The following THSD4 variants were observed in gnomAD, a reference collection of about 807,000 sequenced individuals.
THSD4 encodes the protein thrombospondin type-1 domain-containing protein 4.
A neutral mutation model predicts 119.0 loss-of-function variants in THSD4; 69 were observed. The observed-to-expected ratio is 0.58, with a 90% CI of 0.48 to 0.71. The LOEUF (loss-of-function observed/expected upper bound fraction) is 0.71. Ranked by LOEUF, THSD4 falls within the 30% of genes least tolerant of loss-of-function variation. THSD4 has a pLI of 0.00. For missense variants in THSD4, 1,393 were observed against 1,391.1 expected, an observed-to-expected ratio of 1.00 and a Z score of -0.02; for synonymous variants, 524 against 540.4, an observed-to-expected ratio of 0.97 and a Z score of 0.42.
intron 3 of THSD4, among the ~76,000 whole-genome samples, chr15:71,170,765 T>C (rs1434294310): frequency 6.6e-6 from 1 of 152,154 alleles, no homozygotes; most frequent in East Asian, 1.9e-4. Flanking sequence ...TATTTTAGAA[T>C]ATGAAAACAA....
chr15:71,571,902 G>A (rs2049366149), intron 7 of THSD4, among the ~76,000 whole-genome samples: 1 of 152,206 alleles, frequency 6.6e-6, no homozygotes, highest in Non-Finnish European at 1.5e-5. Context: ...TGTATGAGCT[G>A]CCTTGGCAAT....
intron 7 of THSD4, among the ~76,000 whole-genome samples, chr15:71,461,560 A>G (rs1595790511): frequency 6.6e-6 from 1 of 152,322 alleles, no homozygotes; most frequent in East Asian, 1.9e-4. Context: ...TAAAGAAGCA[A>G]ATAGATCCTG....
At chr15:71,647,759 G>A (rs913542379) in intron 7 of THSD4, among the ~76,000 whole-genome samples, 1 of 152,218 alleles carries the variant, frequency 6.6e-6, no homozygotes, top group Non-Finnish European at 1.5e-5. Flanking sequence ...GAGAGGAAGG[G>A]TGGTGTTATA....
chr15:71,269,232 A>T (rs2044500986), intron 6 of THSD4, among the ~76,000 whole-genome samples: 1 of 152,220 alleles, frequency 6.6e-6, no homozygotes, highest in Non-Finnish European at 1.5e-5. Flanking sequence ...TCAGCAGCAC[A>T]TCAAAAAGCT....
intron 8 of THSD4, among the ~76,000 whole-genome samples, chr15:71,690,616 C>T (rs998761231): frequency 3.3e-5 from 5 of 152,146 alleles, no homozygotes; most frequent in Admixed American, 6.5e-5. Flanking sequence ...AAAGACATCT[C>T]CTAGACTGGG....
rs139973756 is a variant in THSD4 at position 71,335,446 on chromosome 15, C to T, written c.1016-76241C>T. Among the ~76,000 whole-genome samples the T allele has an allele frequency of 3.4e-3, 520 of 152,174 alleles. 4 individuals carry two copies. Among genetic ancestry groups the T allele is most frequent in the Middle Eastern group, 0.014 (4 of 294 alleles). ...TTTTCAGAATCTTTATCCCTTAGAA[C>T]CTAGACTTCTAGAATGACAAATATA... is the stretch of plus-strand genomic sequence containing the variant. On this transcript the variant is annotated intron_variant, in intron 6 of 17. Transcript: ENST00000261862.
At chr15:71,253,187 T>G (rs2044278451) in intron 5 of THSD4, among the ~76,000 whole-genome samples, 1 of 152,210 alleles carries the variant, frequency 6.6e-6, no homozygotes, top group Non-Finnish European at 1.5e-5. Context: ...TTTTCTGCCT[T>G]AGATGGGAAC....
At chr15:71,386,944 C>T (rs2046300729) in intron 6 of THSD4, among the ~76,000 whole-genome samples, 2 of 152,154 alleles carry the variant, frequency 1.3e-5, no homozygotes, top group African/African-American at 2.4e-5. Context: ...CTGTTCGCCT[C>T]GTAATCAACA....
chr15:71,367,078 G>C (rs1334290267), intron 6 of THSD4, among the ~76,000 whole-genome samples: 2 of 152,168 alleles, frequency 1.3e-5, no homozygotes, highest in Admixed American at 6.5e-5. Flanking sequence ...TGAAATGTTT[G>C]TATAGCGGTC....
intron 8 of THSD4, among the ~76,000 whole-genome samples, chr15:71,692,804 A>G (rs1272550853): frequency 1.3e-5 from 2 of 152,204 alleles, no homozygotes; most frequent in Non-Finnish European, 2.9e-5. Context: ...GAAGGGACTC[A>G]TGTTCCAGGG....
intron 6 of THSD4, among the ~76,000 whole-genome samples, chr15:71,347,505 A>G (rs2045681570): frequency 6.6e-6 from 1 of 152,138 alleles, no homozygotes. Flanking sequence ...ATCTATATAC[A>G]TTTATTCATT....
Position 71,653,586 on chromosome 15 carries a change from CAT to C in THSD4, c.1153-6943_1153-6942del, listed in dbSNP as rs150533197. On this transcript the variant is annotated intron_variant, in intron 7 of 17. Coordinates refer to ENST00000261862, the MANE Select transcript of THSD4 (RefSeq NM_024817.3). ...TAAGAAAGACCTTTCAGGACCAAAA[CAT>C]CAGTAGAGCTGGAGTTGAGAAGCCC... 2.5e-3 allele frequency among the ~76,000 whole-genome samples: 380 copies of C among 152,290 alleles called. 2 individuals are homozygous for C. Among genetic ancestry groups the C allele is most frequent in the African/African-American group, 8.6e-3 (358 of 41,558 alleles).
intron 6 of THSD4, among the ~76,000 whole-genome samples, chr15:71,377,083 G>A (rs78507969): frequency 0.037 from 5,632 of 152,298 alleles, 227 homozygotes; most frequent in African/African-American, 0.097. Context: ...AAATGGACGT[G>A]AGAAAGGAAT....
chr15:71,196,043 G>A (rs1292519452), intron 3 of THSD4, among the ~76,000 whole-genome samples: 2 of 152,144 alleles, frequency 1.3e-5, no homozygotes, highest in Non-Finnish European at 2.9e-5. Flanking sequence ...CAAGTTCCAG[G>A]TGCTAGCATC....
At chr15:71,581,856 G>T (rs549486680) in intron 7 of THSD4, among the ~76,000 whole-genome samples, 1 of 152,058 alleles carries the variant, frequency 6.6e-6, no homozygotes, top group African/African-American at 2.4e-5. Flanking sequence ...GGGCTATTCC[G>T]TTCCATTGGT....
intron 3 of THSD4, among the ~76,000 whole-genome samples, chr15:71,199,487 GGGTGTGTGT>G (rs2043751119): frequency 6.3e-5 from 8 of 127,018 alleles, no homozygotes; most frequent in Non-Finnish European, 6.9e-5. Context: ...TGTGTGTGTG[GGGTGTGTGT>G]GGTGTGTGTG....
chr15:71,341,470 A>T (rs1596349891), intron 6 of THSD4: 1 of 1,613,268 alleles, frequency 6.2e-7, no homozygotes, highest in Non-Finnish European at 8.5e-7. Flanking sequence ...TGGGCCACCG[A>T]CCTTGTGTCC....
At chr15:71,229,939 T>C (rs2044047134) in intron 4 of THSD4, among the ~76,000 whole-genome samples, 1 of 152,222 alleles carries the variant, frequency 6.6e-6, no homozygotes, top group African/African-American at 2.4e-5. Context: ...ACATCCAGCA[T>C]ATGAGAGAAA....
intron 6 of THSD4, among the ~76,000 whole-genome samples, chr15:71,372,559 G>C (rs1444335766): frequency 2.6e-5 from 4 of 152,242 alleles, no homozygotes; most frequent in African/African-American, 9.6e-5. Context: ...GACCCTGTTT[G>C]CCTGGGTATC....
Sources: gnomAD v4.1 joint callset for allele counts (sites outside exome capture counted in the v4.1 genomes callset) on GRCh38, gnomAD v4.1.1 for gene constraint, MANE v1.5 for transcripts, NCBI Gene and HGNC (gene_info 2026-07-23, HGNC 2026-07-21) for gene names.